Variants in ABCA13 observed in about 807,000 individuals in gnomAD.
ABCA13 encodes the protein ATP binding cassette subfamily A member 13, also known as ATP-binding cassette sub-family A member 13.
ABCA13 carries 476 observed loss-of-function variants against 478.7 expected under a neutral mutation model. The ratio of observed to expected loss-of-function variants is 0.99; its 90% CI spans 0.92 to 1.07. The LOEUF is 1.07. ABCA13 is among the 50% of genes least tolerant of loss of function. ABCA13 has a pLI of 0.00. For missense variants in ABCA13, 6,060 were observed against 5,910.6 expected (o/e 1.03, Z -0.83); for synonymous variants, 2,252 against 2,158.9 (o/e 1.04, Z -1.20).
At chr7:48,485,269 G>T (rs1326410712) in intron 47 of ABCA13, among the ~76,000 whole-genome samples, 2 of 151,816 alleles carry the variant, frequency 1.3e-5, no homozygotes, top group Non-Finnish European at 2.9e-5. Flanking sequence ...TTTTGGAGGG[G>T]CTGTTATTCC....
At chr7:48,621,393 G>A (rs73694699) in intron 59 of ABCA13, among the ~76,000 whole-genome samples, 1,903 of 152,074 alleles carry the variant, frequency 0.013, 34 homozygotes, top group African/African-American at 0.043. Context: ...CTACTTTTGC[G>A]ATATGCTCAA....
intron 23 of ABCA13, among the ~76,000 whole-genome samples, chr7:48,301,330 G>C (rs776719434): frequency 6.6e-6 from 1 of 152,106 alleles, no homozygotes. Context: ...CTGGGGGCTG[G>C]TTCTGTCGGT....
At chr7:48,184,542 A>G (rs971842389) in intron 1 of ABCA13, among the ~76,000 whole-genome samples, 2 of 152,174 alleles carry the variant, frequency 1.3e-5, no homozygotes, top group African/African-American at 4.8e-5. Context: ...ACTTTTGGCC[A>G]GGTGTGATGG....
At position 48,372,470 on chromosome 7, in the gene ABCA13, A is replaced by G. The variant is rs1266394159; in HGVS notation, c.11106A>G (p.Gln3702=). 6.3e-7 allele frequency: 1 copy of G among 1,581,964 alleles called. No individual in the cohort carries two copies. The highest frequency in any genetic ancestry group is 1.7e-4 in the Middle Eastern group (1 of 5,918). The stretch of plus-strand genomic sequence containing the variant: ...TAGTTCTATTGGTTCTACATAACCA[A>G]TTAAGTTTTGTTAATCAGACATTTC... ...PYIVLLVLHN[Q]LSFVNQTFLC... The change falls in exon 33 of 62, where the codon CAA becomes CAG. Residue 3702 remains glutamine, a synonymous_variant. Coordinates refer to ENST00000435803, the MANE Select transcript of ABCA13 (RefSeq NM_152701.5).
intron 42 of ABCA13, among the ~76,000 whole-genome samples, chr7:48,445,001 T>C (rs1476496342): frequency 5.8e-5 from 7 of 120,254 alleles, no homozygotes; most frequent in East Asian, 2.8e-4. Context: ...CTTTCTCTCT[T>C]TCTTTCTTTC....
chr7:48,277,806 C>T (rs1394990193), intron 17 of ABCA13, among the ~76,000 whole-genome samples: 1 of 152,096 alleles, frequency 6.6e-6, no homozygotes, highest in Non-Finnish European at 1.5e-5. Flanking sequence ...TAAGTAAAAG[C>T]CCTTTTAACC....
At chr7:48,615,993 T>C (rs961648950) in intron 59 of ABCA13, among the ~76,000 whole-genome samples, 2 of 152,220 alleles carry the variant, frequency 1.3e-5, no homozygotes, top group African/African-American at 4.8e-5. Context: ...TGTGTGAGCA[T>C]TGTTACATCC....
intron 28 of ABCA13, among the ~76,000 whole-genome samples, chr7:48,337,229 A>G (rs1012492684): frequency 6.6e-5 from 10 of 152,190 alleles, no homozygotes; most frequent in Non-Finnish European, 1.5e-4. Context: ...TGGAGTGGTT[A>G]GAGTCTCTGA....
In ABCA13 at chr7:48,412,452, A is replaced by G. The variant is rs1367105288; in HGVS notation, c.12328A>G (p.Ser4110Gly). ...PQAFLKDSSGSELTYTIPKDT... is the reference protein window; with the variant it reads ...PQAFLKDSSGGELTYTIPKDT... ...AGCATTTCTCAAAGACAGCAGTGGA[A>G]GTGAGCTGACCTACACCATTCCAAA... is the stretch of plus-strand genomic sequence containing the variant. The change falls in exon 41 of 62, where the codon AGT (serine) becomes GGT (glycine). Residue 4110 changes from serine (S) to glycine (G), a missense_variant. This residue lies in a region of ABCA13 where 1,627 missense variants were observed against 1,571.0 expected (regional missense o/e 1.04). Coordinates refer to ENST00000435803, the MANE Select transcript of ABCA13 (RefSeq NM_152701.5). The G allele has an allele frequency of 1.2e-6, 2 of 1,613,602 alleles. No individual in the cohort carries two copies. Among genetic ancestry groups the G allele is most frequent in the South Asian group, 1.1e-5 (1 of 91,060 alleles).
rs1256231628 is a variant in ABCA13, at chr7:48,276,543, A to G, written c.6877A>G (p.Lys2293Glu). Residue 2293 changes from lysine (K) to glutamate (E), a missense_variant, in exon 17 of 62, where the codon AAA (lysine) becomes GAA (glutamate). Physicochemically the swap from Lys to Glu is moderately conservative, Grantham distance 56 (BLOSUM62 1). Around this residue, in one of 3 missense-constraint regions of ABCA13, gnomAD observed 4,423 missense variants for 4,309.1 expected, o/e 1.03. Transcript: ENST00000435803. ...ATCTCTTCTGCTGAAATATTTCCACAAAGATGTTATTGCAGAGATGAGGTG... is the reference window on the plus strand; with the variant it reads ...ATCTCTTCTGCTGAAATATTTCCACGAAGATGTTATTGCAGAGATGAGGTG... Reference protein sequence around the residue: ...KISLLLKYFHKDVIAEMSFVP... With the variant: ...KISLLLKYFHEDVIAEMSFVP... 1 of 1,611,790 alleles carries G rather than the reference A, an allele frequency of 6.2e-7. No individual in the cohort carries two copies. The highest frequency in any genetic ancestry group is 8.5e-7 in the Non-Finnish European group (1 of 1,179,576).
At chr7:48,380,133 C>T (rs117855016) in intron 35 of ABCA13, among the ~76,000 whole-genome samples, 4 of 152,132 alleles carry the variant, frequency 2.6e-5, no homozygotes, top group Admixed American at 6.5e-5. Flanking sequence ...TGTTAATCAT[C>T]TCAATGTGTA....
chr7:48,372,379 T>C lies in ABCA13; in HGVS notation c.11015T>C (p.Phe3672Ser). 1.2e-6 allele frequency: 2 copies of C among 1,613,992 alleles called. No homozygotes were observed. The highest frequency in any genetic ancestry group is 1.7e-6 in the Non-Finnish European group (2 of 1,179,864). ...CTGAGCTACCTCTTGAGTGCATTTT[T>C]CAGCCAAGCTAATACAGCGGCCCTT... ...VMLSYLLSAF[F>S]SQANTAALCT... The change falls in exon 33 of 62, where the codon TTC (phenylalanine) becomes TCC (serine). Residue 3672 changes from phenylalanine to serine, a missense_variant. This residue lies in a region of ABCA13 where 4,423 missense variants were observed against 4,309.1 expected (regional missense o/e 1.03). Transcript: ENST00000435803.
intron 50 of ABCA13, among the ~76,000 whole-genome samples, chr7:48,509,247 A>G (rs1831471593): frequency 6.6e-6 from 1 of 152,176 alleles, no homozygotes; most frequent in Non-Finnish European, 1.5e-5. Flanking sequence ...GACTTGTCCA[A>G]GATTTTACAT....
chr7:48,507,813 A>G (rs2130874285), intron 49 of ABCA13, 59 bp from the exon 50 acceptor site: 3 of 1,495,330 alleles, frequency 2.0e-6, no homozygotes, highest in Admixed American at 4.4e-5. Context: ...GATTGTTATT[A>G]GCAAAGAAGG....
chr7:48,636,947 A>G (rs1794684066), intron 59 of ABCA13, among the ~76,000 whole-genome samples: 1 of 152,148 alleles, frequency 6.6e-6, no homozygotes, highest in Non-Finnish European at 1.5e-5. Context: ...TGTTAAGGCA[A>G]TTATGCATTT....
intron 40 of ABCA13, among the ~76,000 whole-genome samples, chr7:48,411,291 C>CTTCTT (rs571322141): frequency 0.057 from 5,322 of 92,880 alleles, 388 homozygotes; most frequent in East Asian, 0.13. Context: ...TCCTTCCTTC[C>CTTCTT]TTCTTTTCTT....
intron 24 of ABCA13, among the ~76,000 whole-genome samples, chr7:48,311,964 C>T (rs946498668): frequency 5.9e-5 from 9 of 152,114 alleles, no homozygotes; most frequent in African/African-American, 1.9e-4. Flanking sequence ...AAGTCAGGGG[C>T]CAGTCACTGT....
At chr7:48,614,078 CAT>C (rs1219343280) in intron 58 of ABCA13, among the ~76,000 whole-genome samples, 6 of 149,144 alleles carry the variant, frequency 4.0e-5, no homozygotes, top group African/African-American at 4.9e-5. Context: ...TTTATACTAA[CAT>C]ATTAATATTA....
At chr7:48,537,945 G>A (rs1003090959) in intron 55 of ABCA13, among the ~76,000 whole-genome samples, 1 of 152,134 alleles carries the variant, frequency 6.6e-6, no homozygotes, top group Admixed American at 6.6e-5. Flanking sequence ...GAAGGTCATA[G>A]AACTGAACAT....
Sources: allele counts gnomAD v4.1 joint callset (sites outside exome capture counted in the v4.1 genomes callset), GRCh38; gene constraint gnomAD v4.1.1; regional missense constraint gnomAD v4.1.1; transcripts MANE v1.5; gene names NCBI Gene and HGNC (gene_info 2026-07-23, HGNC 2026-07-21).